The following MACROD2 variants were observed in gnomAD, a reference collection of about 807,000 sequenced individuals.
MACROD2 encodes the protein ADP-ribose glycohydrolase MACROD2.
In MACROD2, 36 loss-of-function variants were observed where a neutral mutation model predicts 70.4. That is an observed-to-expected ratio of 0.51 (90% CI 0.39 to 0.68). The LOEUF is 0.68. Among genes scored for constraint, MACROD2 ranks in the 30% least tolerant of loss-of-function variants. The pLI is 0.00. For missense variants in MACROD2, 496 were observed against 538.4 expected (o/e 0.92, Z 0.78); for synonymous variants, 172 against 178.8 (o/e 0.96, Z 0.30).
intron 3 of MACROD2, among the ~76,000 whole-genome samples, chr20:14,269,663 C>T (rs1442698859): frequency 6.6e-6 from 1 of 152,058 alleles, no homozygotes; most frequent in African/African-American, 2.4e-5. Context: ...TTTAATTATA[C>T]AAATAGTCAT....
intron 5 of MACROD2, among the ~76,000 whole-genome samples, chr20:14,749,463 G>A (rs1301421651): frequency 6.6e-6 from 1 of 152,036 alleles, no homozygotes; most frequent in Non-Finnish European, 1.5e-5. Context: ...CTCTAAGTGT[G>A]TATCACCAGA....
At position 14,969,361 on chromosome 20, in the gene MACROD2, TACACACACAC is replaced by T. The variant is rs3045701; in HGVS notation, c.419-260547_419-260538del. On this transcript the variant is annotated intron_variant, in intron 5 of 17. Coordinates refer to ENST00000684519, the MANE Select transcript of MACROD2 (RefSeq NM_001351661.2). Reference sequence around the variant, plus strand: ...AATTTAAAAGCTATATAAATGCTTTTACACACACACACACACACACACACACACACACACA... The same window carrying T: ...AATTTAAAAGCTATATAAATGCTTTTACACACACACACACACACACACACA... Among the ~76,000 whole-genome samples, 348 of 138,122 alleles carry T rather than the reference TACACACACAC, an allele frequency of 2.5e-3. 2 individuals are homozygous for T. Among genetic ancestry groups the T allele is most frequent in the African/African-American group, 8.2e-3 (306 of 37,226 alleles). 90.6% of individuals were successfully genotyped at this position (138,122 alleles called of 152,430 possible).
intron 5 of MACROD2, among the ~76,000 whole-genome samples, chr20:14,963,591 C>T (rs956361419): frequency 1.7e-4 from 26 of 152,090 alleles, no homozygotes; most frequent in African/African-American, 5.6e-4. Context: ...ACATTCCCTG[C>T]CGGTGGTGGG....
At chr20:14,789,998 T>C (rs2072430196) in intron 5 of MACROD2, among the ~76,000 whole-genome samples, 1 of 152,112 alleles carries the variant, frequency 6.6e-6, no homozygotes, top group Admixed American at 6.5e-5. Flanking sequence ...ATGTAAATGA[T>C]TACTTAGGAT....
At chr20:14,248,200 A>C (rs1283614532) in intron 3 of MACROD2, among the ~76,000 whole-genome samples, 1 of 152,210 alleles carries the variant, frequency 6.6e-6, no homozygotes, top group African/African-American at 2.4e-5. Context: ...AAGCAACCAC[A>C]GATTGTCCGT....
intron 6 of MACROD2, among the ~76,000 whole-genome samples, chr20:15,323,296 A>G (rs534322991): frequency 1.2e-3 from 184 of 152,142 alleles, no homozygotes; most frequent in Non-Finnish European, 2.2e-3. Flanking sequence ...CCACTCTTAC[A>G]AGTAAAGTCT....
At chr20:15,692,983 ACTCTT>A (rs1840875159) in intron 8 of MACROD2, among the ~76,000 whole-genome samples, 1 of 151,140 alleles carries the variant, frequency 6.6e-6, no homozygotes, top group African/African-American at 2.4e-5. Context: ...GGCACTTCCC[ACTCTT>A]CTCTCTCTCT....
chr20:16,017,826 A>C (rs529453716), intron 15 of MACROD2, among the ~76,000 whole-genome samples: 1 of 152,310 alleles, frequency 6.6e-6, no homozygotes, highest in Non-Finnish European at 1.5e-5. Flanking sequence ...GAATGAATAA[A>C]TGTCATTAGC....
chr20:15,604,020 G>A (rs1422966876), intron 8 of MACROD2, among the ~76,000 whole-genome samples: 2 of 152,116 alleles, frequency 1.3e-5, no homozygotes, highest in African/African-American at 4.8e-5. Context: ...GTAGAGTCCA[G>A]AATTAGGCAA....
At chr20:15,147,157 A>C (rs35731609) in intron 5 of MACROD2, among the ~76,000 whole-genome samples, 2 of 152,318 alleles carry the variant, frequency 1.3e-5, no homozygotes, top group East Asian at 3.9e-4. Context: ...GGAGCTCCAC[A>C]TGGCATATTC....
intron 4 of MACROD2, among the ~76,000 whole-genome samples, chr20:14,579,445 G>T (rs1980860240): frequency 6.6e-6 from 1 of 152,120 alleles, no homozygotes; most frequent in African/African-American, 2.4e-5. Context: ...CCGGCCAACT[G>T]TATCCAATTC....
intron 5 of MACROD2, among the ~76,000 whole-genome samples, chr20:14,840,362 C>T (rs1227322049): frequency 4.6e-5 from 7 of 151,912 alleles, no homozygotes; most frequent in Non-Finnish European, 8.8e-5. Context: ...AAACTGGCTT[C>T]CTGAAAGAGT....
chr20:16,022,481 G>A (rs1210126661), intron 15 of MACROD2, among the ~76,000 whole-genome samples: 2 of 152,200 alleles, frequency 1.3e-5, no homozygotes, highest in African/African-American at 4.8e-5. Flanking sequence ...AAAGCAATCA[G>A]TAAGCCAATG....
intron 3 of MACROD2, among the ~76,000 whole-genome samples, chr20:14,413,961 C>T (rs777601230): frequency 1.4e-4 from 21 of 152,072 alleles, no homozygotes; most frequent in Non-Finnish European, 2.6e-4. Context: ...TGTGACTTTT[C>T]AGTATTTGAT....
intron 13 of MACROD2, among the ~76,000 whole-genome samples, chr20:15,968,543 C>T (rs1042245690): frequency 7.9e-5 from 12 of 151,614 alleles, no homozygotes; most frequent in South Asian, 6.3e-4. Flanking sequence ...ATTAAATGTA[C>T]AAAAATGTTG....
chr20:14,815,287 T>G (rs1390222709), intron 5 of MACROD2, among the ~76,000 whole-genome samples: 1 of 152,122 alleles, frequency 6.6e-6, no homozygotes, highest in African/African-American at 2.4e-5. Context: ...AAAGTATATA[T>G]TTTAAAGACA....
intron 6 of MACROD2, among the ~76,000 whole-genome samples, chr20:15,396,373 A>G (rs1257548536): frequency 6.6e-6 from 1 of 152,218 alleles, no homozygotes; most frequent in Non-Finnish European, 1.5e-5. Context: ...AAGAGGGGCT[A>G]CATAACTTGA....
intron 5 of MACROD2, among the ~76,000 whole-genome samples, chr20:14,886,168 G>T (rs867329318): frequency 8.5e-5 from 13 of 152,302 alleles, no homozygotes; most frequent in Middle Eastern, 3.4e-3. Context: ...CACTGGGCAG[G>T]TGTCATAAAG....
At chr20:15,351,308 C>T (rs574705651) in intron 6 of MACROD2, among the ~76,000 whole-genome samples, 1 of 152,242 alleles carries the variant, frequency 6.6e-6, no homozygotes, top group South Asian at 2.1e-4. Flanking sequence ...GTTTGAATTC[C>T]ATTTTGGCAT....
Sources: gnomAD v4.1 joint callset for allele counts (sites outside exome capture counted in the v4.1 genomes callset) on GRCh38, gnomAD v4.1.1 for gene constraint, MANE v1.5 for transcripts, NCBI Gene and HGNC (gene_info 2026-07-23, HGNC 2026-07-21) for gene names.